The following RAB2A variants were observed in gnomAD, a reference collection of about 807,000 sequenced individuals.
RAB2A encodes RAB2A, member RAS oncogene family.
In RAB2A, 7 loss-of-function variants were observed where a neutral mutation model predicts 32.5. That is an observed-to-expected ratio of 0.22 (90% CI 0.12 to 0.40). The LOEUF is 0.40. Ranked by LOEUF, RAB2A falls within the 10% of genes least tolerant of loss-of-function variation. RAB2A has a pLI of 1.00. For missense variants in RAB2A, 108 were observed against 260.7 expected (o/e 0.41, Z 4.03); for synonymous variants, 79 against 85.2 (o/e 0.93, Z 0.40).
intron 4 of RAB2A, 102 bp from the exon 5 acceptor site, chr8:60,584,621 G>A: frequency 1.1e-6 from 1 of 915,526 alleles, no homozygotes; most frequent in Non-Finnish European, 1.7e-6. Context: ...TTACATAAGT[G>A]GATATGGCTA....
At chr8:60,519,215 A>G (rs1807262209) in intron 1 of RAB2A, among the ~76,000 whole-genome samples, 1 of 152,186 alleles carries the variant, frequency 6.6e-6, no homozygotes, top group African/African-American at 2.4e-5. Context: ...CTGTCAGTTT[A>G]GTCATCCTGA....
chr8:60,572,753 A>T (rs1808215379), intron 3 of RAB2A, among the ~76,000 whole-genome samples: 1 of 152,220 alleles, frequency 6.6e-6, no homozygotes, highest in Non-Finnish European at 1.5e-5. Context: ...ACTACTTTAT[A>T]CATTTAAAAA....
chr8:60,570,137 C>A, intron 2 of RAB2A: 1 of 429,304 alleles, frequency 2.3e-6, no homozygotes. Flanking sequence ...GCTAGCCTTG[C>A]CTTCCTTACC....
chr8:60,524,889 G>C (rs1015563291), intron 1 of RAB2A, among the ~76,000 whole-genome samples: 7 of 152,114 alleles, frequency 4.6e-5, no homozygotes, highest in Admixed American at 4.6e-4. Context: ...AATCCCTAAG[G>C]TGTAGCCAGA....
rs1255088850 is a variant in RAB2A at position 60,622,886 on chromosome 8, G to A, written c.*2117G>A. ...AAGGAATATGTTATGAATCCTTTCT[G>A]TTAATTGAGAAAGCAATGTTATTGT... is the stretch of plus-strand genomic sequence containing the variant. On this transcript the variant is annotated 3_prime_UTR_variant, in exon 8 of 8. Coordinates refer to ENST00000262646, the MANE Select transcript of RAB2A (RefSeq NM_002865.3). 5 of 152,168 alleles carry A rather than the reference G, an allele frequency of 3.3e-5. No individual in the cohort carries two copies. Among genetic ancestry groups the A allele is most frequent in the Admixed American group, 1.3e-4 (2 of 15,270 alleles). The allele number at this position is 152,168 out of a possible 1,614,324, so 9.4% of individuals were successfully genotyped here. A position where few individuals can be genotyped will look rare whatever the true frequency, so the allele number is the denominator to read the frequency against.
At chr8:60,518,307 A>G (rs1807243731) in intron 1 of RAB2A, among the ~76,000 whole-genome samples, 1 of 152,192 alleles carries the variant, frequency 6.6e-6, no homozygotes, top group Non-Finnish European at 1.5e-5. Context: ...AACTTCGGTC[A>G]TGTAAGCAGC....
At chr8:60,528,235 A>G (rs181844678) in intron 1 of RAB2A, among the ~76,000 whole-genome samples, 2 of 152,362 alleles carry the variant, frequency 1.3e-5, no homozygotes, top group Admixed American at 1.3e-4. Flanking sequence ...TTTACCAGCC[A>G]TGTGACTATG....
chr8:60,614,427 T>C (rs1377950657), intron 6 of RAB2A, among the ~76,000 whole-genome samples: 1 of 152,048 alleles, frequency 6.6e-6, no homozygotes, highest in Non-Finnish European at 1.5e-5. Context: ...ACGATTTTTT[T>C]CTTAATAGAG....
At chr8:60,519,625 C>A (rs570010146) in intron 1 of RAB2A, among the ~76,000 whole-genome samples, 1 of 152,304 alleles carries the variant, frequency 6.6e-6, no homozygotes, top group East Asian at 1.9e-4. Context: ...CCAGACTTTT[C>A]TGTTGTATAG....
chr8:60,554,209 G>T (rs993118472), intron 1 of RAB2A, among the ~76,000 whole-genome samples: 2 of 152,168 alleles, frequency 1.3e-5, no homozygotes, highest in African/African-American at 4.8e-5. Flanking sequence ...AAGGCTGAAG[G>T]CAGAAAGATC....
Position 60,570,063 on chromosome 8 carries a change from T to A in RAB2A, c.119-1983T>A, listed in dbSNP as rs968139141. The A allele has an allele frequency of 9.4e-5, 43 of 455,832 alleles. No individual in the cohort carries two copies. In the Admixed American group the frequency reaches 1.0e-3, roughly 11 times the overall value. 28.2% of individuals were successfully genotyped at this position (455,832 alleles called of 1,614,324 possible). A position where few individuals can be genotyped will look rare whatever the true frequency, so the allele number is the denominator to read the frequency against. On this transcript the variant is annotated intron_variant, in intron 2 of 7. Coordinates refer to ENST00000262646, the MANE Select transcript of RAB2A (RefSeq NM_002865.3). Reference sequence around the variant, plus strand: ...CTCGGATGGAATGGTCACAGGTCAGTTTCCGTATCTTTAGCCCTCTGCTCA... The same window carrying A: ...CTCGGATGGAATGGTCACAGGTCAGATTCCGTATCTTTAGCCCTCTGCTCA...
chr8:60,568,599 C>T (rs1327561786), intron 2 of RAB2A, among the ~76,000 whole-genome samples: 1 of 152,106 alleles, frequency 6.6e-6, no homozygotes, highest in African/African-American at 2.4e-5. Context: ...CACAGGGTCA[C>T]ACAACCAAGT....
chr8:60,543,656 G>A lies in RAB2A; in HGVS notation c.47-15196G>A, dbSNP rs145793326. On this transcript the variant is annotated intron_variant, in intron 1 of 7. Transcript: ENST00000262646. Reference sequence around the variant, plus strand: ...TCTATTCAATTTACTACAGTAAACCGCCAGAGAGTATGTAGCTGATGAAAT... The same window carrying A: ...TCTATTCAATTTACTACAGTAAACCACCAGAGAGTATGTAGCTGATGAAAT... 2.7e-3 allele frequency among the ~76,000 whole-genome samples: 405 copies of A among 152,268 alleles called. 1 individual carries two copies. Among genetic ancestry groups the A allele is most frequent in the African/African-American group, 7.7e-3 (320 of 41,560 alleles).
intron 1 of RAB2A, among the ~76,000 whole-genome samples, chr8:60,548,520 C>G (rs1482433139): frequency 1.0e-5 from 1 of 95,542 alleles, no homozygotes; most frequent in Non-Finnish European, 2.0e-5. Context: ...GGGGGCTGAC[C>G]CCCCCACCTC....
At chr8:60,569,666 C>T (rs781429291) in intron 2 of RAB2A, among the ~76,000 whole-genome samples, 1 of 152,068 alleles carries the variant, frequency 6.6e-6, no homozygotes, top group Non-Finnish European at 1.5e-5. Context: ...GCACCTGCCA[C>T]CATACCTAGC....
At chr8:60,594,976 A>G (rs924982159) in intron 6 of RAB2A, among the ~76,000 whole-genome samples, 7 of 152,214 alleles carry the variant, frequency 4.6e-5, no homozygotes, top group Non-Finnish European at 7.3e-5. Flanking sequence ...CAGAAAGAAA[A>G]GAACTATCAG....
chr8:60,542,012 G>A (rs1245774473), intron 1 of RAB2A, among the ~76,000 whole-genome samples: 1 of 151,962 alleles, frequency 6.6e-6, no homozygotes, highest in Non-Finnish European at 1.5e-5. Context: ...AATCAAATGT[G>A]GCCTGGAGCA....
intron 6 of RAB2A, among the ~76,000 whole-genome samples, chr8:60,601,617 C>T (rs1279867581): frequency 6.6e-6 from 1 of 152,160 alleles, no homozygotes. Flanking sequence ...GGATTATAGG[C>T]ATGAGCTGCC....
chr8:60,583,993 C>G, intron 3 of RAB2A: 1 of 404,026 alleles, frequency 2.5e-6, no homozygotes, highest in South Asian at 3.2e-5. Context: ...GTTGCAGGAG[C>G]GACTACATGT....
Sources: allele counts gnomAD v4.1 joint callset (sites outside exome capture counted in the v4.1 genomes callset), GRCh38; gene constraint gnomAD v4.1.1; transcripts MANE v1.5; gene names NCBI Gene and HGNC (gene_info 2026-07-23, HGNC 2026-07-21).